Variants in EPDR1 observed in about 807,000 individuals in gnomAD.
EPDR1 encodes ependymin related 1.
A neutral mutation model predicts 23.7 loss-of-function variants in EPDR1; 27 were observed. The observed-to-expected ratio is 1.14, with a 90% confidence interval of 0.84 to 1.57. EPDR1 has a LOEUF of 1.57. EPDR1 is among the 40% of genes most tolerant of loss of function. The pLI is 0.00. For missense variants in EPDR1, 349 were observed against 290.4 expected (o/e 1.20, Z -1.47); for synonymous variants, 137 against 118.2 (o/e 1.16, Z -1.03).
At chr7:37,945,310 C>G (rs1242599128) in intron 1 of EPDR1, among the ~76,000 whole-genome samples, 1 of 152,138 alleles carries the variant, frequency 6.6e-6, no homozygotes, top group African/African-American at 2.4e-5. Context: ...TCATAAAATG[C>G]ACACTTATAT....
At chr7:37,949,477 C>T (rs1240736583) in intron 2 of EPDR1, among the ~76,000 whole-genome samples, 5 of 152,180 alleles carry the variant, frequency 3.3e-5, no homozygotes, top group Non-Finnish European at 2.9e-5. Flanking sequence ...CCATTCTCTG[C>T]CCTGCTGCTG....
chr7:37,934,213 T>C (rs919700999), intron 1 of EPDR1, among the ~76,000 whole-genome samples: 1 of 152,132 alleles, frequency 6.6e-6, no homozygotes. Context: ...CCTGACCTCC[T>C]GATCCACCTG....
intron 1 of EPDR1, among the ~76,000 whole-genome samples, chr7:37,942,701 T>C (rs1233259010): frequency 6.6e-6 from 1 of 152,218 alleles, no homozygotes; most frequent in Non-Finnish European, 1.5e-5. Context: ...TTCTGTAAAT[T>C]AGAGTTTCTT....
At chr7:37,943,858 C>A (rs1028126170) in intron 1 of EPDR1, among the ~76,000 whole-genome samples, 1 of 152,138 alleles carries the variant, frequency 6.6e-6, no homozygotes, top group African/African-American at 2.4e-5. Flanking sequence ...TGTATGTGGG[C>A]AGAGCGGGCC....
At chr7:37,927,026 T>C (rs1785828148) in intron 1 of EPDR1, among the ~76,000 whole-genome samples, 1 of 152,248 alleles carries the variant, frequency 6.6e-6, no homozygotes, top group African/African-American at 2.4e-5. Flanking sequence ...GGGCACTTCC[T>C]TGCTTTCCGG....
At chr7:37,927,385 T>A (rs1785838493) in intron 1 of EPDR1, among the ~76,000 whole-genome samples, 1 of 151,058 alleles carries the variant, frequency 6.6e-6, no homozygotes, top group Admixed American at 6.6e-5. Flanking sequence ...GTTTTTTTTT[T>A]CCTTTCATTT....
intron 1 of EPDR1, among the ~76,000 whole-genome samples, chr7:37,936,084 T>G (rs1423829112): frequency 7.3e-6 from 1 of 137,094 alleles, no homozygotes; most frequent in Non-Finnish European, 1.6e-5. Flanking sequence ...TAATTCATTC[T>G]CACTTATGAA....
intron 2 of EPDR1, among the ~76,000 whole-genome samples, chr7:37,949,334 C>T (rs1429754974): frequency 6.6e-6 from 1 of 152,190 alleles, no homozygotes; most frequent in Non-Finnish European, 1.5e-5. Flanking sequence ...AGGTCTGTGA[C>T]ATGGAAGGCA....
intron 1 of EPDR1, among the ~76,000 whole-genome samples, chr7:37,933,997 G>C (rs778438378): frequency 7.4e-6 from 1 of 134,252 alleles, no homozygotes; most frequent in Non-Finnish European, 1.6e-5. Context: ...TTTTTTTTGA[G>C]ACGGAGTCTC....
chr7:37,931,482 T>C (rs890521247), intron 1 of EPDR1, among the ~76,000 whole-genome samples: 1 of 151,876 alleles, frequency 6.6e-6, no homozygotes, highest in Non-Finnish European at 1.5e-5. Flanking sequence ...CCACTGCACT[T>C]CAGCCTGGGT....
chr7:37,926,056 T>C (rs112666250), intron 1 of EPDR1, among the ~76,000 whole-genome samples: 31 of 152,298 alleles, frequency 2.0e-4, no homozygotes, highest in African/African-American at 7.2e-4. Context: ...CCCTTCCTAC[T>C]AAGAATGGAA....
chr7:37,934,437 T>C (rs575968834), intron 1 of EPDR1, among the ~76,000 whole-genome samples: 3 of 147,160 alleles, frequency 2.0e-5, no homozygotes, highest in Non-Finnish European at 4.6e-5. Flanking sequence ...GAACAAGGAC[T>C]CTCCTCTTTT....
At position 37,928,222 on chromosome 7, in the gene EPDR1, T is replaced by C. The variant is rs114763351; in HGVS notation, c.269+7014T>C. Among the ~76,000 whole-genome samples, 603 of 152,344 alleles carry C rather than the reference T, an allele frequency of 4.0e-3. 5 individuals carry two copies. The highest frequency in any genetic ancestry group is 0.014 in the African/African-American group (568 of 41,576). ...CCAATAACCTTGAGCTGTTTCTTCC[T>C]GATTCTGACCTTGAGGATGGTGGTC... is the stretch of plus-strand genomic sequence containing the variant. On this transcript the variant is annotated intron_variant, in intron 1 of 2. Transcript: ENST00000199448.
chr7:37,926,687 A>C (rs1201867692), intron 1 of EPDR1: 4 of 454,216 alleles, frequency 8.8e-6, no homozygotes. Flanking sequence ...TACCTTTGGC[A>C]GGAATATCAG....
At chr7:37,937,985 A>ATTTTTTTTTTTTTTTTTTTTTTGTT (rs1786089396) in intron 1 of EPDR1, among the ~76,000 whole-genome samples, 1 of 72,424 alleles carries the variant, frequency 1.4e-5, no homozygotes, top group Non-Finnish European at 2.7e-5. Context: ...TGCCCTTTAA[A>ATTTTTTTTTTTTTTTTTTTTTTGTT]TTTTTTTTTT....
chr7:37,934,467 A>G (rs1289500395), intron 1 of EPDR1, among the ~76,000 whole-genome samples: 1 of 150,902 alleles, frequency 6.6e-6, no homozygotes, highest in African/African-American at 2.4e-5. Context: ...TTTTCCTTTG[A>G]GAAAAAGGAG....
At chr7:37,943,723 T>C (rs1786216280) in intron 1 of EPDR1, among the ~76,000 whole-genome samples, 1 of 152,200 alleles carries the variant, frequency 6.6e-6, no homozygotes, top group Non-Finnish European at 1.5e-5. Flanking sequence ...TTTGAAAACA[T>C]AGAAAAGTAC....
At chr7:37,937,985 ATTTTTTTTT>A (rs35752051) in intron 1 of EPDR1, among the ~76,000 whole-genome samples, 1 of 72,424 alleles carries the variant, frequency 1.4e-5, no homozygotes, top group East Asian at 4.4e-4. Flanking sequence ...TGCCCTTTAA[ATTTTTTTTT>A]TTTTTTTTTT....
chr7:37,935,922 A>G (rs1484181663), intron 1 of EPDR1, among the ~76,000 whole-genome samples: 1 of 147,628 alleles, frequency 6.8e-6, no homozygotes, highest in African/African-American at 2.5e-5. Flanking sequence ...ATTCATATTC[A>G]GCATCATTAA....
Sources: allele counts gnomAD v4.1 joint callset (sites outside exome capture counted in the v4.1 genomes callset), GRCh38; gene constraint gnomAD v4.1.1; transcripts MANE v1.5; gene names NCBI Gene and HGNC (gene_info 2026-07-23, HGNC 2026-07-21).